CABP2: variants seen among roughly 807,000 people sequenced by gnomAD.
The protein encoded by CABP2 is calcium-binding protein 2.
CABP2 carries 25 observed loss-of-function variants against 28.6 expected under a neutral mutation model. The ratio of observed to expected loss-of-function variants is 0.87; its 90% CI spans 0.64 to 1.22. The LOEUF (loss-of-function observed/expected upper bound fraction) is 1.22. CABP2 is among the 50% of genes most tolerant of loss of function. The probability of loss-of-function intolerance (pLI) is 0.00; values close to 1 mark genes in which losing one functional copy is unlikely to be tolerated. For missense variants in CABP2, 310 were observed against 312.2 expected (o/e 0.99, Z 0.05); for synonymous variants, 138 against 126.0 (o/e 1.09, Z -0.64).
At chr11:67,520,756 G>T (rs539399212) in intron 4 of CABP2, among the ~76,000 whole-genome samples, 3 of 152,312 alleles carry the variant, frequency 2.0e-5, no homozygotes, top group African/African-American at 7.2e-5. Flanking sequence ...TCAAGTCCTG[G>T]CTCCAAGGAA....
chr11:67,522,669 G>A lies in CABP2; in HGVS notation c.90C>T (p.Ser30=). Reference sequence around the variant, plus strand: ...CCTGCTCCTTGGGGCTGGAGCTGGGGCTGGGGCAGGAGCCCCTTGGTGGGG... The same window carrying A: ...CCTGCTCCTTGGGGCTGGAGCTGGGACTGGGGCAGGAGCCCCTTGGTGGGG... The part of the protein sequence containing the change: ...LGSPPRGSCP[S]PSSSPKEQGD... The change falls in exon 2 of 7, where the codon AGC becomes AGT. Residue 30 remains serine (S), a synonymous_variant. Transcript: ENST00000294288. 2 of 1,535,600 alleles carry A rather than the reference G, an allele frequency of 1.3e-6. No individual in the cohort carries two copies. The highest frequency in any genetic ancestry group is 1.8e-6 in the Non-Finnish European group (2 of 1,138,184).
chr11:67,521,137 C>T lies in CABP2; in HGVS notation c.267G>A (p.Glu89=), dbSNP rs2079551524. The T allele has an allele frequency of 6.8e-6, 11 of 1,613,044 alleles. No individual in the cohort carries two copies. The highest frequency in any genetic ancestry group is 8.5e-6 in the Non-Finnish European group (10 of 1,180,002). Residue 89 remains glutamate, a synonymous_variant, in exon 4 of 7, where the codon GAG becomes GAA. Coordinates refer to ENST00000294288, the MANE Select transcript of CABP2 (RefSeq NM_016366.3). ...EIEELQVAFQ[E]FDRDRDGYIG... ...TGTAGCCGTCCCGGTCTCGGTCAAA[C>T]TCCTGGAAGGCGACCTGCAGCTCTG...
chr11:67,522,671 T>G lies in CABP2; in HGVS notation c.88A>C (p.Ser30Arg). The change falls in exon 2 of 7, where the codon AGC becomes CGC. Residue 30 changes from serine to arginine, a missense_variant. Coordinates refer to ENST00000294288, the MANE Select transcript of CABP2 (RefSeq NM_016366.3). ...TGCTCCTTGGGGCTGGAGCTGGGGC[T>G]GGGGCAGGAGCCCCTTGGTGGGGAG... ...LGSPPRGSCPSPSSSPKEQGD... is the reference protein window; with the variant it reads ...LGSPPRGSCPRPSSSPKEQGD... 1 of 1,532,968 alleles carries G rather than the reference T, an allele frequency of 6.5e-7. No homozygotes were observed. The highest frequency in any genetic ancestry group is 1.4e-5 in the African/African-American group (1 of 72,774). The allele number at this position is 1,532,968 out of a possible 1,614,324, so 95.0% of individuals were successfully genotyped here. A position where few individuals can be genotyped will look rare whatever the true frequency, so the allele number is the denominator to read the frequency against.
Position 67,520,164 on chromosome 11 carries a change from G to T in CABP2, c.380-4C>A. On this transcript the variant is annotated splice_polypyrimidine_tract_variant and splice_region_variant and intron_variant, in intron 4 of 6. Transcript: ENST00000294288. ...TCAAAGTCCACCTTTCCGCCACCTG[G>T]GGGTCCCGTCCATTACAGACCCAGG... The T allele has an allele frequency of 6.2e-7, 1 of 1,607,182 alleles. No homozygotes were observed. Among genetic ancestry groups the T allele is most frequent in the Non-Finnish European group, 8.5e-7 (1 of 1,174,002 alleles).
intron 1 of CABP2, 32 bp from the exon 2 acceptor site, chr11:67,522,748 T>C (rs1270279961): frequency 6.9e-7 from 1 of 1,455,046 alleles, no homozygotes; most frequent in East Asian, 2.5e-5. Context: ...GCTGGGGCAG[T>C]GGCCGCTGAG....
Position 67,522,844 on chromosome 11 carries a change from G to A in CABP2, c.43-128C>T, listed in dbSNP as rs193271194. On this transcript the variant is annotated intron_variant, in intron 1 of 6. Transcript: ENST00000294288. The stretch of plus-strand genomic sequence containing the variant: ...CATGGGACAGTAGGGAAGGGGCTGG[G>A]GGGTAGAGAGAGGACCCTCACCCGT... 162 of 830,492 alleles carry A rather than the reference G, an allele frequency of 2.0e-4. No homozygotes were observed. The East Asian group carries it at 4.5e-3, about 23-fold the overall frequency. The allele number at this position is 830,492 out of a possible 1,614,324, so 51.4% of individuals were successfully genotyped here. A position where few individuals can be genotyped will look rare whatever the true frequency, so the allele number is the denominator to read the frequency against.
Position 67,520,118 on chromosome 11 carries a change from C to A in CABP2, c.422G>T (p.Gly141Val), listed in dbSNP as rs774192693. The A allele has an allele frequency of 1.2e-6, 2 of 1,613,926 alleles. No homozygotes were observed. Among genetic ancestry groups the A allele is most frequent in the Non-Finnish European group, 1.7e-6 (2 of 1,179,956 alleles). ...VDFEDFVELM[G>V]PKLLAETADM... ...TGCCGTCTCTGCCAGCAGCTTGGGGCCCATCAGCTCCACGAAGTCTTCAAA... is the reference window on the plus strand; with the variant it reads ...TGCCGTCTCTGCCAGCAGCTTGGGGACCATCAGCTCCACGAAGTCTTCAAA... Residue 141 changes from glycine (G) to valine (V), a missense_variant, in exon 5 of 7, where the codon GGC (glycine) becomes GTC (valine). Physicochemically the swap from Gly to Val is moderately radical, Grantham distance 109. Coordinates refer to ENST00000294288, the MANE Select transcript of CABP2 (RefSeq NM_016366.3).
chr11:67,519,134 C>G lies in CABP2; in HGVS notation c.*5G>C. On this transcript the variant is annotated 3_prime_UTR_variant, in exon 7 of 7. Coordinates refer to ENST00000294288, the MANE Select transcript of CABP2 (RefSeq NM_016366.3). Reference sequence around the variant, plus strand: ...CTTTATGCTGCCTCCAGCTTCTGTACAGGCTCACCGAGACATCATTCGCAC... The same window carrying G: ...CTTTATGCTGCCTCCAGCTTCTGTAGAGGCTCACCGAGACATCATTCGCAC... 1 of 1,613,934 alleles carries G rather than the reference C, an allele frequency of 6.2e-7. No individual in the cohort carries two copies. Among genetic ancestry groups the G allele is most frequent in the Non-Finnish European group, 8.5e-7 (1 of 1,179,974 alleles).
At chr11:67,520,653 TAAACAAA>T (rs760856255) in intron 4 of CABP2, among the ~76,000 whole-genome samples, 89 of 152,160 alleles carry the variant, frequency 5.8e-4, no homozygotes, top group African/African-American at 8.0e-4. Flanking sequence ...AGACCCCATC[TAAACAAA>T]AAACAAAAAA....
chr11:67,522,364 C>T (rs1043339660), intron 2 of CABP2, among the ~76,000 whole-genome samples, 182 bp downstream of exon 2: 2 of 152,164 alleles, frequency 1.3e-5, no homozygotes, highest in African/African-American at 4.8e-5. Flanking sequence ...CCTCTCTGCA[C>T]CCCCACCCCA....
At chr11:67,521,869 TGCCCCCCCAACCCTGTG>T in intron 3 of CABP2, 66 bp downstream of exon 3, 1 of 425,546 alleles carries the variant, frequency 2.3e-6, no homozygotes, top group Non-Finnish European at 4.5e-6. Flanking sequence ...CCCCACCCGA[TGCCCCCCCAACCCTGTG>T]TCCCCACCCC....
Position 67,521,103 on chromosome 11 carries a change from G to A in CABP2, c.301C>T (p.Arg101Trp), listed in dbSNP as rs1209827004. Residue 101 changes from arginine (R) to tryptophan (W), a missense_variant, in exon 4 of 7, where the codon CGG becomes TGG. Coordinates refer to ENST00000294288, the MANE Select transcript of CABP2 (RefSeq NM_016366.3). ...GTCCGCATGCAGGCACCCAGCTCCCGGCAGCCAATGTAGCCGTCCCGGTCT... is the reference window on the plus strand; with the variant it reads ...GTCCGCATGCAGGCACCCAGCTCCCAGCAGCCAATGTAGCCGTCCCGGTCT... Reference protein sequence around the residue: ...DRDRDGYIGCRELGACMRTLG... With the variant: ...DRDRDGYIGCWELGACMRTLG... 11 of 1,613,654 alleles carry A rather than the reference G, an allele frequency of 6.8e-6. No individual in the cohort carries two copies. The highest frequency in any genetic ancestry group is 4.4e-5 in the South Asian group (4 of 91,058).
At position 67,521,267 on chromosome 11, in the gene CABP2, T is replaced by G. The variant is rs569533746; in HGVS notation, c.245-108A>C. 4 of 1,186,042 alleles carry G rather than the reference T, an allele frequency of 3.4e-6. No homozygotes were observed. The South Asian group carries it at 5.8e-5, about 17-fold the overall frequency. The allele number at this position is 1,186,042 out of a possible 1,614,324, so 73.5% of individuals were successfully genotyped here. On this transcript the variant is annotated intron_variant, in intron 3 of 6. Transcript: ENST00000294288. ...ATCATCCCTCCTTCTGAACATCAGATTCTCTTTGCTGCCTCGGGGCCTTTG... is the reference window on the plus strand; with the variant it reads ...ATCATCCCTCCTTCTGAACATCAGAGTCTCTTTGCTGCCTCGGGGCCTTTG...
Position 67,521,026 on chromosome 11 carries a change from G to A in CABP2, c.378C>T (p.Ile126=). ...EMELIEISQQ[I]SGGKVDFEDF... ...TGGGGATGGGTCCGAGGCACATACT[G>A]ATTTGTTGTGAGATCTCGATGAGCT... The change falls in exon 4 of 7, where the codon ATC becomes ATT. Residue 126 remains isoleucine, a splice_region_variant and synonymous_variant. Transcript: ENST00000294288. 1.9e-6 allele frequency: 3 copies of A among 1,613,810 alleles called. No homozygotes were observed. The highest frequency in any genetic ancestry group is 1.1e-5 in the South Asian group (1 of 91,070).
Position 67,523,318 on chromosome 11 carries a change from G to A in CABP2, c.9C>T (p.Asn3=), listed in dbSNP as rs1565205770. The A allele has an allele frequency of 6.4e-7, 1 of 1,554,458 alleles. No individual in the cohort carries two copies. The highest frequency in any genetic ancestry group is 8.7e-7 in the Non-Finnish European group (1 of 1,148,746). ...CCCGGCGCCAGGGCCGCTTGGCACA[G>A]TTCCCCATGGGCCCTGAACCATGCC... MG[N]CAKRPWRRGP... Residue 3 remains asparagine, a synonymous_variant, in exon 1 of 7, where the codon AAC becomes AAT. Coordinates refer to ENST00000294288, the MANE Select transcript of CABP2 (RefSeq NM_016366.3).
intron 3 of CABP2, 66 bp downstream of exon 3, chr11:67,521,883 TGTG>T: frequency 1.6e-5 from 2 of 122,238 alleles, no homozygotes; most frequent in South Asian, 6.7e-5. Context: ...CCCCCAACCC[TGTG>T]TCCCCACCCC....
rs746624712 is a variant in CABP2 at position 67,521,118 on chromosome 11, C to T, written c.286G>A (p.Gly96Ser). Residue 96 changes from glycine (G) to serine (S), a missense_variant, in exon 4 of 7, where the codon GGC becomes AGC. Physicochemically the swap from Gly to Ser is moderately conservative, Grantham distance 56. Transcript: ENST00000294288. ...AFQEFDRDRD[G>S]YIGCRELGAC... The stretch of plus-strand genomic sequence containing the variant: ...CCCAGCTCCCGGCAGCCAATGTAGC[C>T]GTCCCGGTCTCGGTCAAACTCCTGG... 3.3e-5 allele frequency: 54 copies of T among 1,613,600 alleles called. No homozygotes were observed. The highest frequency in any genetic ancestry group is 4.1e-5 in the Non-Finnish European group (48 of 1,179,992).
rs529226265 is a variant in CABP2, at chr11:67,520,221, C to T, written c.380-61G>A. ...GAGACCCCTGCCCCTCCCTGGCCCTCCCTCCTCTGCCCTCTGCCTTCCCTT... is the reference window on the plus strand; with the variant it reads ...GAGACCCCTGCCCCTCCCTGGCCCTTCCTCCTCTGCCCTCTGCCTTCCCTT... On this transcript the variant is annotated intron_variant, in intron 4 of 6. Coordinates refer to ENST00000294288, the MANE Select transcript of CABP2 (RefSeq NM_016366.3). The T allele has an allele frequency of 9.2e-5, 92 of 996,988 alleles. 1 individual carries two copies. In the East Asian group the frequency reaches 2.2e-3, roughly 23 times the overall value. 61.8% of individuals were successfully genotyped at this position (996,988 alleles called of 1,614,324 possible).
chr11:67,521,205 C>T, intron 3 of CABP2, 46 bp from the exon 4 acceptor site: 1 of 1,590,052 alleles, frequency 6.3e-7, no homozygotes, highest in South Asian at 1.1e-5. Context: ...ACCCCCTGAT[C>T]CTGGCCTGGA....
Sources: allele counts gnomAD v4.1 joint callset (sites outside exome capture counted in the v4.1 genomes callset), GRCh38; gene constraint gnomAD v4.1.1; transcripts MANE v1.5; gene names NCBI Gene and HGNC (gene_info 2026-07-23, HGNC 2026-07-21).